Variants in ARHGAP42 observed in about 807,000 individuals in gnomAD.
ARHGAP42 encodes rho GTPase-activating protein 42.
In ARHGAP42, 63 loss-of-function variants were observed where a neutral mutation model predicts 125.0. That is an observed-to-expected ratio of 0.50 (90% confidence interval 0.41 to 0.62). ARHGAP42 has a LOEUF of 0.62. Among genes scored for constraint, ARHGAP42 ranks in the 20% least tolerant of loss-of-function variants. The probability of loss-of-function intolerance (pLI) is 0.00; values close to 1 mark genes in which losing one functional copy is unlikely to be tolerated. For synonymous variants in ARHGAP42, 339 were observed against 351.0 expected (o/e 0.97, Z 0.38); for missense variants, 766 against 1,024.2 (o/e 0.75, Z 3.44).
At chr11:100,926,970 A>G (rs1180053680) in intron 6 of ARHGAP42, among the ~76,000 whole-genome samples, 1 of 152,194 alleles carries the variant, frequency 6.6e-6, no homozygotes, top group Admixed American at 6.5e-5. Flanking sequence ...GTCTTTCTGT[A>G]TTAATGTTTA....
At position 100,976,090 on chromosome 11, in the gene ARHGAP42, C is replaced by G. The variant is rs1858382075; in HGVS notation, c.1889C>G (p.Pro630Arg). 1 of 1,545,538 alleles carries G rather than the reference C, an allele frequency of 6.5e-7. No individual in the cohort carries two copies. Among genetic ancestry groups the G allele is most frequent in the African/African-American group, 1.4e-5 (1 of 72,990 alleles). Residue 630 changes from proline (P) to arginine (R), a missense_variant, in exon 20 of 24, where the codon CCT becomes CGT. Around this residue, in one of 3 missense-constraint regions of ARHGAP42, gnomAD observed 308 missense variants for 369.7 expected, o/e 0.83. Transcript: ENST00000298815. The stretch of plus-strand genomic sequence containing the variant: ...TATAGCAGCAGCCCAGACAGCACAC[C>G]TATGGGGAGCATTGAGTCACTCTCT... ...DSYSSSPDST[P>R]MGSIESLSSH... is the part of the protein sequence containing the mutation.
At chr11:100,694,057 A>G (rs149683084) in intron 1 of ARHGAP42, among the ~76,000 whole-genome samples, 191 of 151,830 alleles carry the variant, frequency 1.3e-3, no homozygotes, top group African/African-American at 4.5e-3. Flanking sequence ...TCAGCCTCCC[A>G]AGTAACTGGG....
chr11:100,903,709 AATATATATAT>A (rs139506492), intron 4 of ARHGAP42, among the ~76,000 whole-genome samples: 3,861 of 63,224 alleles, frequency 0.061, 175 homozygotes, highest in Non-Finnish European at 0.084. Flanking sequence ...TGTCCCTCAA[AATATATATAT>A]ATATATATAT....
At chr11:100,735,028 A>G (rs1426390337) in intron 1 of ARHGAP42, among the ~76,000 whole-genome samples, 1 of 152,068 alleles carries the variant, frequency 6.6e-6, no homozygotes, top group Non-Finnish European at 1.5e-5. Flanking sequence ...AACAACAACA[A>G]AACCCTGTGT....
At chr11:100,832,136 G>A (rs958811257) in intron 3 of ARHGAP42, among the ~76,000 whole-genome samples, 6 of 152,222 alleles carry the variant, frequency 3.9e-5, no homozygotes, top group African/African-American at 1.4e-4. Context: ...CCCACGCCAG[G>A]CTGTTGAGCA....
At chr11:100,781,929 C>A (rs571241111) in intron 2 of ARHGAP42, among the ~76,000 whole-genome samples, 2 of 131,064 alleles carry the variant, frequency 1.5e-5, no homozygotes, top group Non-Finnish European at 3.3e-5. Flanking sequence ...TGCACCACCA[C>A]GAGATTTTTT....
chr11:100,942,886 G>A (rs1867919399), intron 9 of ARHGAP42, among the ~76,000 whole-genome samples: 1 of 152,100 alleles, frequency 6.6e-6, no homozygotes, highest in African/African-American at 2.4e-5. Context: ...AGTTACTACT[G>A]TAAATCCAAC....
At chr11:100,883,976 A>G (rs1475797707) in intron 4 of ARHGAP42, among the ~76,000 whole-genome samples, 1 of 152,200 alleles carries the variant, frequency 6.6e-6, no homozygotes, top group Non-Finnish European at 1.5e-5. Context: ...AATAATTAGG[A>G]CAACAGTCTG....
At chr11:100,697,325 G>GGCGCCCGGCACC (rs1296574818) in intron 1 of ARHGAP42, among the ~76,000 whole-genome samples, 2 of 152,150 alleles carry the variant, frequency 1.3e-5, no homozygotes, top group South Asian at 2.1e-4. Context: ...TGGGACTACG[G>GGCGCCCGGCACC]GCGCCCGGCA....
At chr11:100,696,569 G>A (rs960225521) in intron 1 of ARHGAP42, among the ~76,000 whole-genome samples, 14 of 152,002 alleles carry the variant, frequency 9.2e-5, no homozygotes, top group African/African-American at 3.4e-4. Flanking sequence ...TGGTCAAGCT[G>A]GTCTCGAACT....
intron 1 of ARHGAP42, among the ~76,000 whole-genome samples, chr11:100,732,017 T>C (rs891083520): frequency 1.3e-5 from 2 of 151,884 alleles, no homozygotes; most frequent in African/African-American, 4.8e-5. Context: ...TGCAATGACG[T>C]GATCTCAGCT....
intron 2 of ARHGAP42, 145 bp downstream of exon 2, chr11:100,770,583 T>C (rs944598405): frequency 1.5e-6 from 1 of 658,910 alleles, no homozygotes; most frequent in African/African-American, 1.9e-5. Flanking sequence ...ATGGAAGAAA[T>C]TTTTTCTTTT....
At chr11:100,843,251 C>G (rs1460957165) in intron 3 of ARHGAP42, among the ~76,000 whole-genome samples, 1 of 151,942 alleles carries the variant, frequency 6.6e-6, no homozygotes, top group Non-Finnish European at 1.5e-5. Context: ...ATACAACACT[C>G]CTAGCTTAAA....
intron 3 of ARHGAP42, among the ~76,000 whole-genome samples, chr11:100,798,417 C>T (rs928539696): frequency 6.6e-6 from 1 of 152,154 alleles, no homozygotes; most frequent in African/African-American, 2.4e-5. Flanking sequence ...CAACCACCAC[C>T]CTGATCAGTT....
intron 11 of ARHGAP42, among the ~76,000 whole-genome samples, chr11:100,949,030 G>A (rs1237699370): frequency 6.6e-6 from 1 of 152,000 alleles, no homozygotes; most frequent in Admixed American, 6.6e-5. Flanking sequence ...GAAATTGTAT[G>A]ATAGTCTACT....
At chr11:100,720,530 T>TA (rs1278356692) in intron 1 of ARHGAP42, among the ~76,000 whole-genome samples, 1 of 152,096 alleles carries the variant, frequency 6.6e-6, no homozygotes, top group Non-Finnish European at 1.5e-5. Flanking sequence ...AGGCCCAAGA[T>TA]AAAAAAGTCC....
intron 8 of ARHGAP42, among the ~76,000 whole-genome samples, chr11:100,938,953 C>T (rs543237896): frequency 1.4e-4 from 21 of 152,226 alleles, no homozygotes; most frequent in African/African-American, 5.1e-4. Context: ...ATGTAAGACA[C>T]ACTTATACAA....
chr11:100,688,464 T>TAAAG (rs1420157424), intron 1 of ARHGAP42, among the ~76,000 whole-genome samples: 1 of 152,168 alleles, frequency 6.6e-6, no homozygotes, highest in African/African-American at 2.4e-5. Flanking sequence ...GTTAAGGGGT[T>TAAAG]AAAGGCCAAT....
At chr11:100,904,137 A>G (rs868742340) in intron 4 of ARHGAP42, among the ~76,000 whole-genome samples, 8 of 152,002 alleles carry the variant, frequency 5.3e-5, no homozygotes, top group South Asian at 2.1e-4. Flanking sequence ...CTCAGTATTA[A>G]CCATCTCAGA....
Sources: gnomAD v4.1 joint callset for allele counts (sites outside exome capture counted in the v4.1 genomes callset) on GRCh38, gnomAD v4.1.1 for gene constraint, gnomAD v4.1.1 regional missense constraint, MANE v1.5 for transcripts, NCBI Gene and HGNC (gene_info 2026-07-23, HGNC 2026-07-21) for gene names.